The following MCC variants were observed in gnomAD, a reference collection of about 807,000 sequenced individuals.
The protein encoded by MCC is colorectal mutant cancer protein.
In MCC, 90 loss-of-function variants were observed where a neutral mutation model predicts 116.2. That is an observed-to-expected ratio of 0.77 (90% CI 0.65 to 0.92). The LOEUF (loss-of-function observed/expected upper bound fraction) is 0.92. Among genes scored for constraint, MCC ranks in the 40% least tolerant of loss-of-function variants. The probability of loss-of-function intolerance (pLI) is 0.00; values close to 1 mark genes in which losing one functional copy is unlikely to be tolerated. For missense variants in MCC, 1,516 were observed against 1,312.2 expected (o/e 1.16, Z -2.40); for synonymous variants, 578 against 510.5 (o/e 1.13, Z -1.78).
chr5:113,229,569 T>C (rs1763866585), intron 3 of MCC, among the ~76,000 whole-genome samples: 1 of 152,192 alleles, frequency 6.6e-6, no homozygotes, highest in African/African-American at 2.4e-5. Context: ...GGGTTTAGGA[T>C]ACAATCACTC....
chr5:113,048,892 T>G, intron 16 of MCC: 29 of 596,008 alleles, frequency 4.9e-5, no homozygotes, highest in Middle Eastern at 4.5e-4. Context: ...TTACATAAAG[T>G]GAGATTTGGT....
At chr5:113,191,265 C>CCTT (rs752960999) in intron 3 of MCC, among the ~76,000 whole-genome samples, 1 of 151,998 alleles carries the variant, frequency 6.6e-6, no homozygotes, top group Non-Finnish European at 1.5e-5. Context: ...TTTTTCTGAC[C>CCTT]CTTCTTCTTC....
intron 6 of MCC, among the ~76,000 whole-genome samples, chr5:113,114,725 T>A (rs762722067): frequency 6.6e-6 from 1 of 152,252 alleles, no homozygotes; most frequent in Non-Finnish European, 1.5e-5. Context: ...CTTGACACCG[T>A]TGCTTCGGAG....
At chr5:113,154,045 C>T (rs1344961828) in intron 3 of MCC, among the ~76,000 whole-genome samples, 1 of 152,182 alleles carries the variant, frequency 6.6e-6, no homozygotes, top group African/African-American at 2.4e-5. Context: ...AATAAAATTG[C>T]AACAGAAAAA....
intron 3 of MCC, among the ~76,000 whole-genome samples, chr5:113,221,422 G>A (rs950606490): frequency 2.6e-5 from 4 of 152,214 alleles, no homozygotes; most frequent in African/African-American, 9.6e-5. Flanking sequence ...GCTTTGAAAC[G>A]AAGATGATAA....
chr5:113,417,502 G>C (rs933065345), intron 1 of MCC, among the ~76,000 whole-genome samples: 4 of 151,858 alleles, frequency 2.6e-5, no homozygotes, highest in Non-Finnish European at 5.9e-5. Flanking sequence ...GAGGTCCACT[G>C]AGGCACCAAA....
chr5:113,317,314 T>C (rs1009088102), intron 3 of MCC, among the ~76,000 whole-genome samples: 3 of 152,208 alleles, frequency 2.0e-5, no homozygotes, highest in Non-Finnish European at 4.4e-5. Context: ...GAATTGGCCA[T>C]ATGTGAAATG....
rs544723489 is a variant in MCC, at chr5:113,392,092, G to A, written c.171-6880C>T. The stretch of plus-strand genomic sequence containing the variant: ...AGTAGAAAAATGGGTAAGGCTAGGC[G>A]TGGTGGCATGTGCCTGTAATCCCAG... On this transcript the variant is annotated intron_variant, in intron 1 of 18. Transcript: ENST00000408903. Among the ~76,000 whole-genome samples, 5 of 152,216 alleles carry A rather than the reference G, an allele frequency of 3.3e-5. No homozygotes were observed. In the East Asian group the frequency reaches 5.8e-4, roughly 18 times the overall value.
At chr5:113,226,761 G>T (rs377279838) in intron 3 of MCC, among the ~76,000 whole-genome samples, 11 of 152,114 alleles carry the variant, frequency 7.2e-5, no homozygotes, top group African/African-American at 2.2e-4. Flanking sequence ...GGTAATTTTA[G>T]TGTTTAAAAT....
At chr5:113,461,895 G>A (rs910144125) in intron 1 of MCC, among the ~76,000 whole-genome samples, 2 of 151,962 alleles carry the variant, frequency 1.3e-5, no homozygotes, top group Non-Finnish European at 2.9e-5. Flanking sequence ...CCATGCCATC[G>A]AGCACCCAGG....
In MCC at chr5:113,142,485, T is replaced by C. The variant is rs916066893; in HGVS notation, c.884+733A>G. Among the ~76,000 whole-genome samples, 9 of 151,770 alleles carry C rather than the reference T, an allele frequency of 5.9e-5. 1 individual carries two copies. The highest frequency in any genetic ancestry group is 6.6e-5 in the Admixed American group (1 of 15,232). ...ACTTAGAGGCCAAGTGATTAATAAG[T>C]AAGGAAGGCAGAATCCCTACCAGTT... On this transcript the variant is annotated intron_variant, in intron 5 of 18. Transcript: ENST00000408903.
At chr5:113,109,488 G>A (rs574047272) in intron 6 of MCC, among the ~76,000 whole-genome samples, 41 of 152,244 alleles carry the variant, frequency 2.7e-4, no homozygotes, top group Non-Finnish European at 5.0e-4. Flanking sequence ...TACCGGGGTG[G>A]GGGTGATGCG....
intron 3 of MCC, among the ~76,000 whole-genome samples, chr5:113,332,701 G>A (rs1344008404): frequency 6.6e-6 from 1 of 151,518 alleles, no homozygotes; most frequent in African/African-American, 2.4e-5. Context: ...TATAACATTT[G>A]GGGTTACCTT....
At chr5:113,174,334 C>A (rs145448934) in intron 3 of MCC, among the ~76,000 whole-genome samples, 1 of 152,146 alleles carries the variant, frequency 6.6e-6, no homozygotes, top group Non-Finnish European at 1.5e-5. Flanking sequence ...CATTGTGAAT[C>A]GTACCTACAC....
chr5:113,208,469 C>T (rs1318444548), intron 3 of MCC, among the ~76,000 whole-genome samples: 1 of 151,948 alleles, frequency 6.6e-6, no homozygotes. Context: ...GGATGCTGCC[C>T]CGTATAAAAA....
At chr5:113,483,716 C>T (rs1342038463) in intron 1 of MCC, among the ~76,000 whole-genome samples, 3 of 152,038 alleles carry the variant, frequency 2.0e-5, no homozygotes, top group African/African-American at 4.8e-5. Context: ...GAATATAAAT[C>T]GTTGTATTAT....
intron 11 of MCC, among the ~76,000 whole-genome samples, chr5:113,080,969 A>G (rs1754818942): frequency 6.6e-6 from 1 of 152,042 alleles, no homozygotes; most frequent in African/African-American, 2.4e-5. Flanking sequence ...GAGAGCAGGG[A>G]CCCTTTCTGT....
intron 3 of MCC, among the ~76,000 whole-genome samples, chr5:113,220,725 A>C (rs1763519608): frequency 6.6e-6 from 1 of 152,226 alleles, no homozygotes. Context: ...TTCTTTGTAG[A>C]TACCGTAGGA....
intron 3 of MCC, among the ~76,000 whole-genome samples, chr5:113,272,789 G>T (rs867806647): frequency 2.6e-5 from 4 of 152,140 alleles, no homozygotes; most frequent in Non-Finnish European, 5.9e-5. Flanking sequence ...GCAAGGAAAC[G>T]AATTATGGGA....
Sources: gnomAD v4.1 joint callset for allele counts (sites outside exome capture counted in the v4.1 genomes callset) on GRCh38, gnomAD v4.1.1 for gene constraint, MANE v1.5 for transcripts, NCBI Gene and HGNC (gene_info 2026-07-23, HGNC 2026-07-21) for gene names.